The following ERBB4 variants were observed in gnomAD, a reference collection of about 807,000 sequenced individuals.
The protein encoded by ERBB4 is erb-b2 receptor tyrosine kinase 4, also known as receptor tyrosine-protein kinase erbB-4.
Under a neutral mutation model 158.0 loss-of-function variants are expected in ERBB4, and 42 were observed. The observed-to-expected ratio is 0.27, with a 90% CI of 0.21 to 0.34. The LOEUF (loss-of-function observed/expected upper bound fraction) is 0.34. Ranked by LOEUF, ERBB4 falls within the 10% of genes least tolerant of loss-of-function variation. The pLI, the probability that ERBB4 is intolerant of heterozygous loss-of-function variation, is 1.00. For missense variants in ERBB4, 1,333 were observed against 1,624.1 expected, an observed-to-expected ratio of 0.82 and a Z score of 3.08; for synonymous variants, 583 against 558.7, an observed-to-expected ratio of 1.04 and a Z score of -0.61.
At chr2:211,645,556 C>T (rs1239343241) in intron 16 of ERBB4, among the ~76,000 whole-genome samples, 1 of 151,572 alleles carries the variant, frequency 6.6e-6, no homozygotes, top group Admixed American at 6.6e-5. Context: ...GTTAATTAAA[C>T]TTCTTTATCC....
At chr2:211,674,762 A>G (rs570748214) in intron 13 of ERBB4, among the ~76,000 whole-genome samples, 1 of 152,162 alleles carries the variant, frequency 6.6e-6, no homozygotes, top group Non-Finnish European at 1.5e-5. Context: ...TGCATAACAA[A>G]ATTATGACAA....
chr2:211,507,678 C>A lies in ERBB4; in HGVS notation c.2487+54225G>T, dbSNP rs183289479. Among the ~76,000 whole-genome samples, 545 of 152,056 alleles carry A rather than the reference C, an allele frequency of 3.6e-3. 7 individuals carry two copies. Among genetic ancestry groups the A allele is most frequent in the Non-Finnish European group, 4.5e-3 (306 of 67,956 alleles). ...TTCCTATTCAATAAATGATGCTGGG[C>A]AATCCTAAGCAAAAAGAGCAAAGCT... On this transcript the variant is annotated intron_variant, in intron 20 of 27. Transcript: ENST00000342788.
intron 12 of ERBB4, among the ~76,000 whole-genome samples, chr2:211,687,183 T>C (rs2072594166): frequency 6.7e-6 from 1 of 150,266 alleles, no homozygotes; most frequent in Non-Finnish European, 1.5e-5. Context: ...TGGGCGCCTG[T>C]AGTCCCAGTT....
At position 212,262,107 on chromosome 2, in the gene ERBB4, C is replaced by T. The variant is rs959189336; in HGVS notation, c.83-137204G>A. Among the ~76,000 whole-genome samples the T allele has an allele frequency of 1.5e-4, 23 of 152,074 alleles. 1 individual carries two copies. Among genetic ancestry groups the T allele is most frequent in the Admixed American group, 1.4e-3 (21 of 15,252 alleles). ...ATTGTTCCCACTTTTTGGCTGTGTACTCTGACCACCTCTTTACATGATGAA... is the reference window on the plus strand; with the variant it reads ...ATTGTTCCCACTTTTTGGCTGTGTATTCTGACCACCTCTTTACATGATGAA... On this transcript the variant is annotated intron_variant, in intron 1 of 27. Coordinates refer to ENST00000342788, the MANE Select transcript of ERBB4 (RefSeq NM_005235.3).
intron 1 of ERBB4, among the ~76,000 whole-genome samples, chr2:212,383,930 AC>A (rs2090592051): frequency 1.3e-5 from 2 of 151,370 alleles, no homozygotes; most frequent in African/African-American, 4.8e-5. Flanking sequence ...ACAGTGCATT[AC>A]CCATTGTCAT....
At chr2:212,153,307 AAAG>A (rs1465922234) in intron 1 of ERBB4, among the ~76,000 whole-genome samples, 1 of 152,186 alleles carries the variant, frequency 6.6e-6, no homozygotes, top group Non-Finnish European at 1.5e-5. Context: ...GCCCAAAGGT[AAAG>A]GAGTTGTTTC....
At chr2:212,231,476 G>A (rs967625181) in intron 1 of ERBB4, among the ~76,000 whole-genome samples, 1 of 152,204 alleles carries the variant, frequency 6.6e-6, no homozygotes, top group African/African-American at 2.4e-5. Context: ...GTGAGTGCCA[G>A]AAGCAGCATT....
At chr2:212,135,324 T>C (rs1009794207) in intron 1 of ERBB4, among the ~76,000 whole-genome samples, 6 of 152,196 alleles carry the variant, frequency 3.9e-5, no homozygotes, top group African/African-American at 1.2e-4. Context: ...ATGAGTAATA[T>C]GGTTTTTGAG....
chr2:212,220,589 T>C (rs916719774), intron 1 of ERBB4, among the ~76,000 whole-genome samples: 2 of 151,358 alleles, frequency 1.3e-5, no homozygotes, highest in Non-Finnish European at 3.0e-5. Flanking sequence ...TATCCCTAGT[T>C]CCCATCTTGT....
chr2:211,457,091 C>T (rs2064401363), intron 20 of ERBB4, among the ~76,000 whole-genome samples: 1 of 152,092 alleles, frequency 6.6e-6, no homozygotes, highest in Admixed American at 6.5e-5. Context: ...TAATACTGAG[C>T]AACCTGAGAC....
chr2:212,488,304 TAA>T (rs1474420139), intron 1 of ERBB4, among the ~76,000 whole-genome samples: 1 of 147,410 alleles, frequency 6.8e-6, no homozygotes, highest in African/African-American at 2.6e-5. Context: ...CACTTTTTTC[TAA>T]GTTTCCTCGC....
chr2:212,253,844 A>G (rs1171911298), intron 1 of ERBB4, among the ~76,000 whole-genome samples: 1 of 152,188 alleles, frequency 6.6e-6, no homozygotes, highest in African/African-American at 2.4e-5. Context: ...GTATTTACAC[A>G]AGTCCACATG....
intron 20 of ERBB4, among the ~76,000 whole-genome samples, chr2:211,504,789 C>T (rs1403360630): frequency 2.0e-5 from 3 of 152,062 alleles, no homozygotes; most frequent in Non-Finnish European, 4.4e-5. Flanking sequence ...CATGAAAATT[C>T]ACTGAAAGGA....
chr2:211,769,938 C>T (rs1397166327), intron 4 of ERBB4, among the ~76,000 whole-genome samples: 1 of 152,206 alleles, frequency 6.6e-6, no homozygotes, highest in African/African-American at 2.4e-5. Flanking sequence ...CTTTTAGCAA[C>T]ACCCTCATAG....
chr2:212,372,320 C>T (rs755078423), intron 1 of ERBB4, among the ~76,000 whole-genome samples: 2 of 152,188 alleles, frequency 1.3e-5, no homozygotes, highest in South Asian at 2.1e-4. Flanking sequence ...TTCATCACAA[C>T]GCAAAATATG....
intron 1 of ERBB4, among the ~76,000 whole-genome samples, chr2:212,229,893 G>A (rs563722940): frequency 1.1e-4 from 17 of 152,182 alleles, no homozygotes; most frequent in Non-Finnish European, 2.2e-4. Flanking sequence ...GATAAAGAAT[G>A]TAGAGAAAGA....
chr2:212,107,894 C>G (rs922283548), intron 2 of ERBB4, among the ~76,000 whole-genome samples: 2 of 152,294 alleles, frequency 1.3e-5, no homozygotes, highest in African/African-American at 4.8e-5. Flanking sequence ...CTTTCTCCTT[C>G]TGCCATGATT....
At chr2:212,219,234 T>G (rs1197446525) in intron 1 of ERBB4, among the ~76,000 whole-genome samples, 4 of 151,408 alleles carry the variant, frequency 2.6e-5, no homozygotes, top group Non-Finnish European at 3.0e-5. Flanking sequence ...CCATTTCTTA[T>G]TTTGTCCTCT....
At chr2:212,179,156 T>C (rs907087587) in intron 1 of ERBB4, among the ~76,000 whole-genome samples, 5 of 151,526 alleles carry the variant, frequency 3.3e-5, no homozygotes, top group Non-Finnish European at 5.9e-5. Context: ...TTGAAAGAAA[T>C]AAATCTAAAG....
Sources: allele counts gnomAD v4.1 joint callset (sites outside exome capture counted in the v4.1 genomes callset), GRCh38; gene constraint gnomAD v4.1.1; transcripts MANE v1.5; gene names NCBI Gene and HGNC (gene_info 2026-07-23, HGNC 2026-07-21).